The following ERC1 variants were observed in gnomAD, a reference collection of about 807,000 sequenced individuals.
ERC1 encodes ELKS/RAB6-interacting/CAST family member 1.
ERC1 carries 56 observed loss-of-function variants against 132.0 expected under a neutral mutation model. The observed-to-expected ratio is 0.42, with a 90% CI of 0.34 to 0.53. The LOEUF is 0.53. Among genes scored for constraint, ERC1 ranks in the 20% least tolerant of loss-of-function variants. The pLI is 0.03. For synonymous variants in ERC1, 478 were observed against 476.1 expected, an observed-to-expected ratio of 1.00 and a Z score of -0.05; for missense variants, 1,202 against 1,349.9, an observed-to-expected ratio of 0.89 and a Z score of 1.72.
chr12:1,435,933 C>G (rs895675987), intron 17 of ERC1, among the ~76,000 whole-genome samples: 1 of 152,172 alleles, frequency 6.6e-6, no homozygotes, highest in African/African-American at 2.4e-5. Flanking sequence ...CCCTCTCAGG[C>G]CATGTTCTTA....
Position 1,180,534 on chromosome 12 carries a change from A to G in ERC1, c.1738-6A>G, listed in dbSNP as rs778780521. 42 of 1,613,284 alleles carry G rather than the reference A, an allele frequency of 2.6e-5. No homozygotes were observed. The highest frequency in any genetic ancestry group is 2.2e-5 in the Non-Finnish European group (26 of 1,179,536). ...TCTTTTCCCTTAAATATTTATGTACATTTAGATTGAAAATCTTCAAGAGCA... is the reference window on the plus strand; with the variant it reads ...TCTTTTCCCTTAAATATTTATGTACGTTTAGATTGAAAATCTTCAAGAGCA... On this transcript the variant is annotated splice_region_variant and splice_polypyrimidine_tract_variant and intron_variant, in intron 8 of 18. Transcript: ENST00000360905.
At chr12:1,141,849 A>G in intron 8 of ERC1, 62 bp downstream of exon 8, 1 of 1,259,680 alleles carries the variant, frequency 7.9e-7, no homozygotes, top group Non-Finnish European at 1.1e-6. Flanking sequence ...TCCTACCACT[A>G]AGTTATTTCT....
rs867608369 is a variant in ERC1 at position 1,440,667 on chromosome 12, T to C, written c.3025-3895T>C. Among the ~76,000 whole-genome samples the C allele has an allele frequency of 2.9e-5, 3 of 101,726 alleles. No homozygotes were observed. In the Admixed American group the frequency reaches 3.1e-4, roughly 11 times the overall value. The allele number at this position is 101,726 out of a possible 152,430, so 66.7% of individuals were successfully genotyped here. ...GTGTGTGTGTGTGTGTGTGTGTGTG[T>C]GATGGAGTCTCACTCTGTCGCCCAG... On this transcript the variant is annotated intron_variant, in intron 17 of 18. Transcript: ENST00000360905.
At chr12:1,342,331 G>T (rs1214031254) in intron 15 of ERC1, among the ~76,000 whole-genome samples, 1 of 152,036 alleles carries the variant, frequency 6.6e-6, no homozygotes, top group Non-Finnish European at 1.5e-5. Flanking sequence ...GCTGGGCATG[G>T]TGGCACACGC....
At chr12:1,412,972 AG>A (rs1020337438) in intron 17 of ERC1, among the ~76,000 whole-genome samples, 6 of 152,318 alleles carry the variant, frequency 3.9e-5, no homozygotes, top group African/African-American at 1.4e-4. Context: ...AAGATTGAAA[AG>A]TTGTGACTTA....
chr12:1,345,934 T>TA (rs1449461325), intron 15 of ERC1, among the ~76,000 whole-genome samples: 1 of 152,338 alleles, frequency 6.6e-6, no homozygotes, highest in East Asian at 1.9e-4. Context: ...ATTACTTAGC[T>TA]AGTTACGAAA....
chr12:1,404,163 A>C (rs922765479), intron 16 of ERC1, among the ~76,000 whole-genome samples: 1 of 152,242 alleles, frequency 6.6e-6, no homozygotes, highest in African/African-American at 2.4e-5. Flanking sequence ...AGGCAGCAGC[A>C]GATTCGGTGT....
At chr12:1,124,231 C>T (rs1214443920) in intron 7 of ERC1, among the ~76,000 whole-genome samples, 1 of 152,084 alleles carries the variant, frequency 6.6e-6, no homozygotes. Flanking sequence ...TGTACTGGGT[C>T]ATAAAGGAAA....
rs1286593724 is a variant in ERC1, at chr12:1,493,566, T to A, written c.*3336T>A. ...AAAAAAAAATATATATATATATATATATATATATATATGGATGGGAATCAC... is the reference window on the plus strand; with the variant it reads ...AAAAAAAAATATATATATATATATAAATATATATATATGGATGGGAATCAC... On this transcript the variant is annotated 3_prime_UTR_variant, in exon 19 of 19. Coordinates refer to ENST00000360905, the MANE Select transcript of ERC1 (RefSeq NM_178040.4). 3 of 118,082 alleles carry A rather than the reference T, an allele frequency of 2.5e-5. No individual in the cohort carries two copies. Among genetic ancestry groups the A allele is most frequent in the Non-Finnish European group, 3.6e-5 (2 of 55,712 alleles). 7.3% of individuals were successfully genotyped at this position (118,082 alleles called of 1,614,324 possible).
chr12:1,401,166 C>T (rs12819321), intron 16 of ERC1, among the ~76,000 whole-genome samples: 1 of 151,778 alleles, frequency 6.6e-6, no homozygotes, highest in Non-Finnish European at 1.5e-5. Context: ...CATCTCCTGA[C>T]CTTGTGATCC....
At chr12:1,348,707 G>T (rs2084717919) in intron 15 of ERC1, among the ~76,000 whole-genome samples, 1 of 150,372 alleles carries the variant, frequency 6.7e-6, no homozygotes, top group South Asian at 2.1e-4. Context: ...AAAAAAAAAA[G>T]TATAATGTCT....
intron 2 of ERC1, among the ~76,000 whole-genome samples, chr12:1,079,103 GTCGATA>G (rs1941812363): frequency 6.7e-6 from 1 of 150,326 alleles, no homozygotes; most frequent in Non-Finnish European, 1.5e-5. Flanking sequence ...TATGACAAAA[GTCGATA>G]TACAGAGATA....
At chr12:1,191,658 T>C (rs1380705458) in intron 12 of ERC1, among the ~76,000 whole-genome samples, 4 of 152,178 alleles carry the variant, frequency 2.6e-5, no homozygotes, top group Non-Finnish European at 5.9e-5. Flanking sequence ...GTACTTGATA[T>C]CCAAAGCACA....
intron 18 of ERC1, among the ~76,000 whole-genome samples, chr12:1,486,193 T>G (rs2369850): frequency 0.56 from 84,813 of 151,994 alleles, 24,564 homozygotes; most frequent in Middle Eastern, 0.66. Flanking sequence ...TATACTTCAG[T>G]ATAAATGTTA....
intron 18 of ERC1, among the ~76,000 whole-genome samples, chr12:1,465,665 A>G (rs1005848273): frequency 3.9e-5 from 6 of 152,150 alleles, no homozygotes; most frequent in Admixed American, 1.3e-4. Context: ...GCCATTCTCC[A>G]CTTGACTCCC....
At chr12:1,286,069 G>A (rs940365560) in intron 14 of ERC1, among the ~76,000 whole-genome samples, 1 of 152,090 alleles carries the variant, frequency 6.6e-6, no homozygotes, top group Non-Finnish European at 1.5e-5. Flanking sequence ...CAAGGCAGGT[G>A]GATCACTTGA....
Position 1,493,644 on chromosome 12 carries a change from T to TA in ERC1, c.*3417dup, listed in dbSNP as rs143016639. ...ACCTTTGTCCTTGCACTTTACAATC[T>TA]AAAGATCTACCTGTGGCTCTCAGAC... On this transcript the variant is annotated 3_prime_UTR_variant, in exon 19 of 19. Coordinates refer to ENST00000360905, the MANE Select transcript of ERC1 (RefSeq NM_178040.4). The TA allele has an allele frequency of 0.5, 83,873 of 167,700 alleles. 23,604 individuals are homozygous for TA. Among genetic ancestry groups the TA allele is most frequent in the Non-Finnish European group, 0.63 (50,559 of 80,880 alleles). 10.4% of individuals were successfully genotyped at this position (167,700 alleles called of 1,614,324 possible).
At chr12:1,031,371 A>G (rs1968004641) in intron 2 of ERC1, among the ~76,000 whole-genome samples, 2 of 152,136 alleles carry the variant, frequency 1.3e-5, no homozygotes, top group African/African-American at 4.8e-5. Context: ...ACCTTCTTTT[A>G]GCTAACAACA....
intron 7 of ERC1, among the ~76,000 whole-genome samples, chr12:1,123,991 A>C (rs1053350549): frequency 6.6e-6 from 1 of 152,230 alleles, no homozygotes; most frequent in Non-Finnish European, 1.5e-5. Flanking sequence ...CTATAAGTAA[A>C]CAAATAAATG....
Sources: allele counts gnomAD v4.1 joint callset (sites outside exome capture counted in the v4.1 genomes callset), GRCh38; gene constraint gnomAD v4.1.1; transcripts MANE v1.5; gene names NCBI Gene and HGNC (gene_info 2026-07-23, HGNC 2026-07-21).